The following SNX24 variants were observed in gnomAD, a reference collection of about 807,000 sequenced individuals.
SNX24 encodes the protein sorting nexin 24, also known as sorting nexin-24.
SNX24 carries 22 observed loss-of-function variants against 28.7 expected under a neutral mutation model. The ratio of observed to expected loss-of-function variants is 0.77; its 90% CI spans 0.55 to 1.10. SNX24 has a LOEUF of 1.10. SNX24 is among the 50% of genes least tolerant of loss of function. SNX24 has a pLI of 0.00. For missense variants in SNX24, 221 were observed against 201.1 expected (o/e 1.10, Z -0.60); for synonymous variants, 69 against 71.5 (o/e 0.96, Z 0.18).
In SNX24 at chr5:123,018,160, G is replaced by T. The variant is rs150952873; in HGVS notation, n.384-11078G>T. ...ACCCAGGGATGGCCAGTGGCAAGCA[G>T]AGAGCACCTCACACAAGGCTTGGAG... is the stretch of plus-strand genomic sequence containing the variant. On this transcript the variant is annotated intron_variant and non_coding_transcript_variant, in intron 5 of 5. Coordinates refer to the SNX24 transcript ENST00000502387. Among the ~76,000 whole-genome samples, 1,267 of 151,994 alleles carry T rather than the reference G, an allele frequency of 8.3e-3. 21 individuals carry two copies. Among genetic ancestry groups the T allele is most frequent in the African/African-American group, 0.029 (1,215 of 41,432 alleles).
intron 1 of SNX24, among the ~76,000 whole-genome samples, chr5:122,854,715 A>G (rs1755103427): frequency 6.6e-6 from 1 of 152,148 alleles, no homozygotes; most frequent in Admixed American, 6.6e-5. Flanking sequence ...ATCACTGCAC[A>G]GGGACATATA....
downstream of SNX24, among the ~76,000 whole-genome samples, chr5:123,010,312 A>T (rs1460611011): frequency 6.6e-6 from 1 of 150,714 alleles, no homozygotes; most frequent in African/African-American, 2.4e-5. Context: ...TTTTTTGAAG[A>T]CGGAGTCTTG....
chr5:122,889,661 G>A (rs1197064503), intron 1 of SNX24, among the ~76,000 whole-genome samples: 1 of 143,034 alleles, frequency 7.0e-6, no homozygotes, highest in African/African-American at 2.6e-5. Flanking sequence ...GTATATATAT[G>A]TGTATATATA....
intron 1 of SNX24, among the ~76,000 whole-genome samples, chr5:122,936,287 T>A (rs1396065775): frequency 6.6e-6 from 1 of 152,186 alleles, no homozygotes; most frequent in African/African-American, 2.4e-5. Flanking sequence ...GCACTGCTGT[T>A]TGCATGATTG....
chr5:122,866,017 AAG>A lies in SNX24; in HGVS notation c.60+20330_60+20331del, dbSNP rs928394755. Among the ~76,000 whole-genome samples, 126 of 152,354 alleles carry A rather than the reference AAG, an allele frequency of 8.3e-4. 1 individual carries two copies. Among genetic ancestry groups the A allele is most frequent in the African/African-American group, 3.0e-3 (123 of 41,588 alleles). On this transcript the variant is annotated intron_variant, in intron 1 of 6. Transcript: ENST00000261369. ...ATCATATGCTACATGATAAGGGGTT[AAG>A]AGAGAAGAAAACAAAGATATTTGTT...
In SNX24 at chr5:123,001,086, T is replaced by C. The variant is rs146148231; in HGVS notation, c.345-319T>C. 8.3e-3 allele frequency among the ~76,000 whole-genome samples: 1,264 copies of C among 152,370 alleles called. 18 individuals carry two copies. Among genetic ancestry groups the C allele is most frequent in the African/African-American group, 0.029 (1,197 of 41,590 alleles). On this transcript the variant is annotated intron_variant, in intron 4 of 6. Transcript: ENST00000261369. Reference sequence around the variant, plus strand: ...GTATTTACGGGCAGGTTAGGCTTCATATATGTTTATGTATTTTTTAGAATA... The same window carrying C: ...GTATTTACGGGCAGGTTAGGCTTCACATATGTTTATGTATTTTTTAGAATA...
At chr5:122,901,070 G>A (rs1021668547) in intron 1 of SNX24, among the ~76,000 whole-genome samples, 1 of 151,840 alleles carries the variant, frequency 6.6e-6, no homozygotes, top group Non-Finnish European at 1.5e-5. Context: ...GTGTGGTGGT[G>A]CACGCCTGTA....
downstream of SNX24, among the ~76,000 whole-genome samples, chr5:123,010,576 C>A (rs753785601): frequency 1.3e-5 from 2 of 152,048 alleles, no homozygotes; most frequent in Non-Finnish European, 2.9e-5. Context: ...CATGAGCCAC[C>A]GTGCCCAGCC....
intron 3 of SNX24, among the ~76,000 whole-genome samples, chr5:122,965,757 A>G (rs1365147834): frequency 6.6e-6 from 1 of 152,242 alleles, no homozygotes; most frequent in East Asian, 1.9e-4. Flanking sequence ...TGTAAAAAAA[A>G]TCAACAACAC....
intron 3 of SNX24, chr5:122,998,287 A>G (rs1762120891): frequency 6.6e-6 from 1 of 152,130 alleles, no homozygotes; most frequent in Non-Finnish European, 1.5e-5. Context: ...TAGATGGGAA[A>G]ACGCTTAGAG....
At chr5:122,997,856 G>C (rs1234311178) in intron 3 of SNX24, among the ~76,000 whole-genome samples, 1 of 139,448 alleles carries the variant, frequency 7.2e-6, no homozygotes, top group Non-Finnish European at 1.6e-5. Flanking sequence ...TATTGCCTGG[G>C]GTAACAAGTC....
intron 2 of SNX24, among the ~76,000 whole-genome samples, chr5:122,943,390 C>G (rs186637138): frequency 1.3e-4 from 20 of 152,252 alleles, no homozygotes; most frequent in African/African-American, 4.8e-4. Flanking sequence ...TCTCTGTACC[C>G]CACGTTACTG....
chr5:122,866,961 T>C (rs767002310), intron 1 of SNX24, among the ~76,000 whole-genome samples: 39 of 152,194 alleles, frequency 2.6e-4, no homozygotes, highest in Non-Finnish European at 5.1e-4. Flanking sequence ...GCAAACATTT[T>C]GCTAGTGGGT....
At chr5:123,001,069 G>A (rs763937647) in intron 4 of SNX24, among the ~76,000 whole-genome samples, 3 of 152,170 alleles carry the variant, frequency 2.0e-5, no homozygotes, top group Admixed American at 6.5e-5. Context: ...ATGTATTTAC[G>A]GGCAGGTTAG....
intron 1 of SNX24, among the ~76,000 whole-genome samples, chr5:122,895,079 A>G (rs184052154): frequency 1.3e-4 from 20 of 150,830 alleles, no homozygotes; most frequent in African/African-American, 2.9e-4. Context: ...TTTTCTTGTT[A>G]GTATTATTCA....
chr5:122,895,422 A>G (rs1337134101), intron 1 of SNX24, among the ~76,000 whole-genome samples: 2 of 152,200 alleles, frequency 1.3e-5, no homozygotes, highest in African/African-American at 2.4e-5. Flanking sequence ...GTTCAGATTT[A>G]GAAGTCAGCC....
intron 1 of SNX24, among the ~76,000 whole-genome samples, chr5:122,904,847 T>TA (rs1217848379): frequency 6.6e-6 from 1 of 152,116 alleles, no homozygotes; most frequent in Non-Finnish European, 1.5e-5. Context: ...GGGAAAAAAA[T>TA]ATGCCACCAC....
Position 123,008,864 on chromosome 5 carries a change from C to G in SNX24, c.*1115C>G. 2 of 980,540 alleles carry G rather than the reference C, an allele frequency of 2.0e-6. No individual in the cohort carries two copies. The highest frequency in any genetic ancestry group is 9.4e-5 in the South Asian group (2 of 21,192). 60.7% of individuals were successfully genotyped at this position (980,540 alleles called of 1,614,324 possible). On this transcript the variant is annotated 3_prime_UTR_variant, in exon 7 of 7. Coordinates refer to ENST00000261369, the MANE Select transcript of SNX24 (RefSeq NM_014035.4). The stretch of plus-strand genomic sequence containing the variant: ...GTAGTAAAGGATAAAAGCATATATA[C>G]TACCTATATGTATGTGCTGTATGTG...
chr5:122,891,476 T>TTGAATTTTTTTTCAATATAAA (rs1756965347), intron 1 of SNX24, among the ~76,000 whole-genome samples: 1 of 152,212 alleles, frequency 6.6e-6, no homozygotes, highest in Non-Finnish European at 1.5e-5. Flanking sequence ...GGGAGTTTTA[T>TTGAATTTTTTTTCAATATAAA]TTTCTTTTAT....
Sources: allele counts gnomAD v4.1 joint callset (sites outside exome capture counted in the v4.1 genomes callset), GRCh38; gene constraint gnomAD v4.1.1; transcripts MANE v1.5; gene names NCBI Gene and HGNC (gene_info 2026-07-23, HGNC 2026-07-21).